Variants in CTNND2 observed in about 807,000 individuals in gnomAD.
The protein encoded by CTNND2 is catenin delta 2.
Under a neutral mutation model 144.4 loss-of-function variants are expected in CTNND2, and 22 were observed. That is an observed-to-expected ratio of 0.15 (90% CI 0.11 to 0.22). CTNND2 has a LOEUF of 0.22. Ranked by LOEUF, CTNND2 falls within the 10% of genes least tolerant of loss-of-function variation. The probability of loss-of-function intolerance (pLI) is 1.00; values close to 1 mark genes in which losing one functional copy is unlikely to be tolerated. For missense variants in CTNND2, 1,353 were observed against 1,618.8 expected (o/e 0.84, Z 2.82); for synonymous variants, 751 against 695.6 (o/e 1.08, Z -1.25).
intron 2 of CTNND2, among the ~76,000 whole-genome samples, chr5:11,574,895 C>A (rs1280356964): frequency 1.3e-5 from 2 of 152,218 alleles, no homozygotes; most frequent in East Asian, 3.9e-4. Context: ...CTCAAATGGA[C>A]TTTGCATGTG....
chr5:11,323,737 A>G (rs1256798547), intron 9 of CTNND2, among the ~76,000 whole-genome samples: 1 of 152,302 alleles, frequency 6.6e-6, no homozygotes, highest in Non-Finnish European at 1.5e-5. Flanking sequence ...CAAGACTGCA[A>G]TTACATTTGC....
intron 17 of CTNND2, among the ~76,000 whole-genome samples, chr5:11,022,496 C>T (rs941383775): frequency 1.3e-5 from 2 of 152,176 alleles, no homozygotes; most frequent in Admixed American, 6.5e-5. Flanking sequence ...GACTTCCCAC[C>T]ACAGAGGAAC....
At chr5:11,120,585 A>G (rs1580341618) in intron 12 of CTNND2, among the ~76,000 whole-genome samples, 1 of 118,244 alleles carries the variant, frequency 8.5e-6, no homozygotes, top group Non-Finnish European at 1.7e-5. Flanking sequence ...GTATACACAT[A>G]GACTTCAAGA....
rs187510462 is a variant in CTNND2 at position 11,050,583 on chromosome 5, G to A, written c.2789-27604C>T. On this transcript the variant is annotated intron_variant, in intron 16 of 21. Coordinates refer to ENST00000304623, the MANE Select transcript of CTNND2 (RefSeq NM_001332.4). ...ATGTCCCCATGGAGAGACTGAATAT[G>A]CAAATGGACAATGGTCAGACAATGC... 6.6e-5 allele frequency among the ~76,000 whole-genome samples: 10 copies of A among 152,282 alleles called. No homozygotes were observed. The East Asian group carries it at 1.7e-3, about 26-fold the overall frequency.
At chr5:11,868,277 G>A (rs943965228) in intron 1 of CTNND2, among the ~76,000 whole-genome samples, 5 of 152,096 alleles carry the variant, frequency 3.3e-5, no homozygotes, top group African/African-American at 1.2e-4. Flanking sequence ...GCTCCAGGGT[G>A]GTGATTGGGG....
At chr5:11,275,197 CTAA>C (rs1231256905) in intron 9 of CTNND2, among the ~76,000 whole-genome samples, 1 of 152,186 alleles carries the variant, frequency 6.6e-6, no homozygotes, top group Non-Finnish European at 1.5e-5. Flanking sequence ...GTAGCGGCTA[CTAA>C]TGCCAGCACT....
At chr5:11,330,803 G>C (rs1379182028) in intron 9 of CTNND2, among the ~76,000 whole-genome samples, 1 of 146,894 alleles carries the variant, frequency 6.8e-6, no homozygotes, top group Non-Finnish European at 1.5e-5. Flanking sequence ...AAAAAAAATA[G>C]AAAGAGTTCA....
chr5:11,360,901 C>A (rs1223721199), intron 8 of CTNND2, among the ~76,000 whole-genome samples: 1 of 152,136 alleles, frequency 6.6e-6, no homozygotes. Context: ...TATAGAAGAC[C>A]ATTAAGCTCC....
chr5:11,047,314 C>A (rs1318121450), intron 16 of CTNND2, among the ~76,000 whole-genome samples: 1 of 152,162 alleles, frequency 6.6e-6, no homozygotes, highest in Non-Finnish European at 1.5e-5. Flanking sequence ...ACGCAGGGAC[C>A]CAATCACATC....
intron 8 of CTNND2, among the ~76,000 whole-genome samples, chr5:11,348,527 A>G (rs937885741): frequency 6.6e-6 from 1 of 151,890 alleles, no homozygotes; most frequent in Non-Finnish European, 1.5e-5. Flanking sequence ...AAAACTAAGT[A>G]TCAACATTTA....
intron 2 of CTNND2, among the ~76,000 whole-genome samples, chr5:11,663,730 A>T (rs1228812701): frequency 6.6e-6 from 1 of 152,166 alleles, no homozygotes; most frequent in East Asian, 1.9e-4. Flanking sequence ...ATTATAATTA[A>T]AATAATCCAG....
At chr5:11,366,945 C>T (rs2149775434) in intron 7 of CTNND2, among the ~76,000 whole-genome samples, 2 of 152,214 alleles carry the variant, frequency 1.3e-5, no homozygotes, top group African/African-American at 4.8e-5. Context: ...ACCAAGGGTG[C>T]TAGGCAAGGA....
intron 1 of CTNND2, among the ~76,000 whole-genome samples, chr5:11,899,173 T>C (rs1257033868): frequency 6.6e-6 from 1 of 152,232 alleles, no homozygotes; most frequent in Non-Finnish European, 1.5e-5. Context: ...TTAAGGTTTC[T>C]TTTTTCTCTA....
intron 9 of CTNND2, among the ~76,000 whole-genome samples, chr5:11,258,721 A>G (rs1744542109): frequency 6.6e-6 from 1 of 152,238 alleles, no homozygotes; most frequent in Non-Finnish European, 1.5e-5. Flanking sequence ...AGATTGCAGA[A>G]TTTAAAAAAT....
intron 9 of CTNND2, among the ~76,000 whole-genome samples, chr5:11,311,608 C>T (rs1393673951): frequency 4.4e-5 from 6 of 135,980 alleles, no homozygotes; most frequent in Admixed American, 4.4e-4. Flanking sequence ...CTCACACACT[C>T]CCTCCCCATG....
At chr5:11,336,669 T>C (rs570567289) in intron 9 of CTNND2, among the ~76,000 whole-genome samples, 3 of 152,286 alleles carry the variant, frequency 2.0e-5, no homozygotes, top group South Asian at 4.1e-4. Flanking sequence ...AATACATGTG[T>C]TTATACACAT....
chr5:11,679,026 CAG>C (rs1784309508), intron 2 of CTNND2, among the ~76,000 whole-genome samples: 1 of 152,010 alleles, frequency 6.6e-6, no homozygotes, highest in Non-Finnish European at 1.5e-5. Flanking sequence ...ATTGCAATCT[CAG>C]AGGAGGGAAA....
chr5:11,856,716 T>C (rs987679495), intron 1 of CTNND2, among the ~76,000 whole-genome samples: 2 of 152,182 alleles, frequency 1.3e-5, no homozygotes, highest in African/African-American at 4.8e-5. Context: ...CCCTTCGACA[T>C]ATATGTGGTT....
intron 2 of CTNND2, among the ~76,000 whole-genome samples, chr5:11,665,485 T>C (rs1157468473): frequency 6.6e-6 from 1 of 152,166 alleles, no homozygotes; most frequent in Admixed American, 6.6e-5. Context: ...AATGTTATCA[T>C]CTTTAGGGAT....
Sources: allele counts gnomAD v4.1 joint callset (sites outside exome capture counted in the v4.1 genomes callset), GRCh38; gene constraint gnomAD v4.1.1; transcripts MANE v1.5; gene names NCBI Gene and HGNC (gene_info 2026-07-23, HGNC 2026-07-21).